FAM174A: variants seen among roughly 807,000 people sequenced by gnomAD.
The protein encoded by FAM174A is membrane protein FAM174A.
FAM174A carries 14 observed loss-of-function variants against 14.3 expected under a neutral mutation model. The ratio of observed to expected loss-of-function variants is 0.98; its 90% confidence interval spans 0.65 to 1.53. FAM174A has a LOEUF of 1.53. FAM174A is among the 40% of genes most tolerant of loss of function. FAM174A has a pLI of 0.00. For missense variants in FAM174A, 241 were observed against 249.6 expected (o/e 0.97, Z 0.23); for synonymous variants, 108 against 111.4 (o/e 0.97, Z 0.19).
intron 1 of FAM174A, among the ~76,000 whole-genome samples, chr5:100,538,244 A>C (rs1257914973): frequency 3.3e-5 from 5 of 152,090 alleles, no homozygotes; most frequent in Non-Finnish European, 5.9e-5. Context: ...TCCCATTTTC[A>C]AACTATGTGT....
intron 2 of FAM174A, among the ~76,000 whole-genome samples, chr5:100,571,343 A>G (rs1746775075): frequency 6.6e-6 from 1 of 151,644 alleles, no homozygotes; most frequent in East Asian, 1.9e-4. Context: ...TGTTAAGTGA[A>G]GGGACTTTTT....
rs139140984 is a variant in FAM174A, at chr5:100,585,095, C to T, written c.570-1086C>T. 5.8e-4 allele frequency among the ~76,000 whole-genome samples: 88 copies of T among 152,260 alleles called. No individual in the cohort carries two copies. The Middle Eastern group carries it at 0.014, about 24-fold the overall frequency. On this transcript the variant is annotated intron_variant, in intron 2 of 2. Transcript: ENST00000312637. The stretch of plus-strand genomic sequence containing the variant: ...GCCCATGTGGAGATGATTAGTGTCA[C>T]GTGGTATTTTAAATAAATACCAACA...
chr5:100,536,028 C>T, intron 1 of FAM174A, 64 bp downstream of exon 1: 1 of 1,424,038 alleles, frequency 7.0e-7, no homozygotes, highest in Non-Finnish European at 9.4e-7. Flanking sequence ...TGATCTCCAG[C>T]AAGGCTGACT....
chr5:100,575,623 G>A (rs1035299797), intron 2 of FAM174A, among the ~76,000 whole-genome samples: 4 of 152,062 alleles, frequency 2.6e-5, no homozygotes, highest in African/African-American at 9.7e-5. Flanking sequence ...CATAGGCATG[G>A]GCAAGGACTT....
chr5:100,544,410 A>G (rs1414568884), intron 1 of FAM174A, among the ~76,000 whole-genome samples: 2 of 147,102 alleles, frequency 1.4e-5, no homozygotes, highest in East Asian at 3.9e-4. Flanking sequence ...GAGATCCTGG[A>G]GAGAGAGAGA....
chr5:100,552,189 A>G (rs1203937867), intron 1 of FAM174A, among the ~76,000 whole-genome samples: 2 of 152,192 alleles, frequency 1.3e-5, no homozygotes, highest in African/African-American at 2.4e-5. Flanking sequence ...GATGAAAAGT[A>G]TAGACAACTA....
At chr5:100,549,505 G>A (rs1746222302) in intron 1 of FAM174A, among the ~76,000 whole-genome samples, 1 of 152,070 alleles carries the variant, frequency 6.6e-6, no homozygotes, top group African/African-American at 2.4e-5. Context: ...ATAATCACAG[G>A]AAGTGATTGT....
rs377411698 is a variant in FAM174A, at chr5:100,562,090, A to C, written c.471A>C (p.Gly157=). Residue 157 remains glycine (G), a synonymous_variant, in exon 2 of 3, where the codon GGA becomes GGC. Coordinates refer to ENST00000312637, the MANE Select transcript of FAM174A (RefSeq NM_198507.3). The stretch of plus-strand genomic sequence containing the variant: ...GAAACCGAAAGACTAGGAGATATGG[A>C]GTTTTGGACACTAACATAGAAAATA... ...RRRNRKTRRY[G]VLDTNIENME... is the part of the protein sequence containing the mutation. 10 of 1,584,222 alleles carry C rather than the reference A, an allele frequency of 6.3e-6. No individual in the cohort carries two copies. Among genetic ancestry groups the C allele is most frequent in the Non-Finnish European group, 8.6e-6 (10 of 1,165,654 alleles).
intron 1 of FAM174A, among the ~76,000 whole-genome samples, chr5:100,551,966 C>T (rs998106044): frequency 3.3e-5 from 5 of 152,034 alleles, no homozygotes; most frequent in African/African-American, 7.2e-5. Context: ...TTTGCAGTAC[C>T]GGGGATTAGG....
chr5:100,571,297 C>T (rs1746774352), intron 2 of FAM174A, among the ~76,000 whole-genome samples: 2 of 151,600 alleles, frequency 1.3e-5, no homozygotes, highest in Admixed American at 1.3e-4. Context: ...GCCATTATTT[C>T]TTCCTTAAGT....
intron 2 of FAM174A, among the ~76,000 whole-genome samples, chr5:100,574,142 CA>C (rs1270858977): frequency 2.6e-5 from 4 of 152,014 alleles, no homozygotes; most frequent in Non-Finnish European, 5.9e-5. Context: ...TTCTAAAGGA[CA>C]AAGAAGCATA....
At chr5:100,575,930 T>G (rs536185432) in intron 2 of FAM174A, among the ~76,000 whole-genome samples, 5 of 152,210 alleles carry the variant, frequency 3.3e-5, no homozygotes, top group Non-Finnish European at 7.4e-5. Flanking sequence ...CATCCCTTAC[T>G]GGTGCTGTCT....
rs938636692 is a variant in FAM174A at position 100,567,850 on chromosome 5, T to G, written c.569+5662T>G. Among the ~76,000 whole-genome samples the G allele has an allele frequency of 2.6e-5, 4 of 152,068 alleles. No homozygotes were observed. The East Asian group carries it at 7.7e-4, about 29-fold the overall frequency. On this transcript the variant is annotated intron_variant, in intron 2 of 2. Coordinates refer to ENST00000312637, the MANE Select transcript of FAM174A (RefSeq NM_198507.3). ...TGTACTTCATTAGCAGTGATAATTT[T>G]TATGCACCTGTTTAAGGTTTTCCTT...
chr5:100,550,036 A>G (rs946450492), intron 1 of FAM174A, among the ~76,000 whole-genome samples: 13 of 152,210 alleles, frequency 8.5e-5, no homozygotes, highest in African/African-American at 2.7e-4. Context: ...GGCTTTTGAA[A>G]GGATAAACTT....
intron 1 of FAM174A, among the ~76,000 whole-genome samples, chr5:100,539,098 A>G (rs1369894560): frequency 6.6e-6 from 1 of 152,058 alleles, no homozygotes; most frequent in Admixed American, 6.6e-5. Flanking sequence ...AAAAATCTCT[A>G]TGCTCTTTAG....
In FAM174A at chr5:100,538,809, C is replaced by G. The variant is rs140598978; in HGVS notation, c.434+2845C>G. Among the ~76,000 whole-genome samples, 80 of 149,628 alleles carry G rather than the reference C, an allele frequency of 5.3e-4. No homozygotes were observed. The Middle Eastern group carries it at 0.014, about 26-fold the overall frequency. On this transcript the variant is annotated intron_variant, in intron 1 of 2. Coordinates refer to ENST00000312637, the MANE Select transcript of FAM174A (RefSeq NM_198507.3). ...AGAACTGCGAAGATCTCAATTAATA[C>G]TTTTATTTCCTTCCTCTCAGTAGGA...
At chr5:100,545,870 A>C (rs2112368528) in intron 1 of FAM174A, among the ~76,000 whole-genome samples, 1 of 152,320 alleles carries the variant, frequency 6.6e-6, no homozygotes, top group East Asian at 1.9e-4. Flanking sequence ...TAATTGTTTA[A>C]AGGAACTATT....
At chr5:100,549,552 A>G (rs1561314169) in intron 1 of FAM174A, among the ~76,000 whole-genome samples, 1 of 152,084 alleles carries the variant, frequency 6.6e-6, no homozygotes, top group Non-Finnish European at 1.5e-5. Context: ...GAGAAAAGGT[A>G]TCTATCAAGG....
intron 1 of FAM174A, among the ~76,000 whole-genome samples, chr5:100,550,781 A>G (rs143700841): frequency 6.6e-6 from 1 of 152,334 alleles, no homozygotes; most frequent in Non-Finnish European, 1.5e-5. Context: ...CAGCTGAAAG[A>G]TGAGCAGGCA....
Sources: allele counts gnomAD v4.1 joint callset (sites outside exome capture counted in the v4.1 genomes callset), GRCh38; gene constraint gnomAD v4.1.1; transcripts MANE v1.5; gene names NCBI Gene and HGNC (gene_info 2026-07-23, HGNC 2026-07-21).